The following CYP2C19 variants were observed in gnomAD, a reference collection of about 807,000 sequenced individuals.
CYP2C19 encodes the protein cytochrome P450 2C19.
CYP2C19 carries 59 observed loss-of-function variants against 40.9 expected under a neutral mutation model. The ratio of observed to expected loss-of-function variants is 1.44; its 90% CI spans 1.17 to 1.79. The LOEUF (loss-of-function observed/expected upper bound fraction) is 1.79, where lower values mean the gene tolerates loss of function less well. Among genes scored for constraint, CYP2C19 ranks in the 40% most tolerant of loss-of-function variants. The pLI, the probability that CYP2C19 is intolerant of heterozygous loss-of-function variation, is 0.00. For missense variants in CYP2C19, 754 were observed against 596.9 expected (o/e 1.26, Z -2.74); for synonymous variants, 253 against 208.7 (o/e 1.21, Z -1.83).
chr10:94,850,055 G>C lies in CYP2C19; in HGVS notation c.1288G>C (p.Ala430Pro), dbSNP rs369403039. Residue 430 changes from alanine (A) to proline (P), a missense_variant, in exon 8 of 9, where the codon GCA (alanine) becomes CCA (proline). Ala to Pro is a conservative substitution (Grantham distance 27). Coordinates refer to ENST00000371321, the MANE Select transcript of CYP2C19 (RefSeq NM_000769.4). ...AAGTAACTACTTCATGCCTTTCTCA[G>C]CAGGTAATATAAATTTATTTCCCTT... Reference protein sequence around the residue: ...KKSNYFMPFSAGKRICVGEGL... With the variant: ...KKSNYFMPFSPGKRICVGEGL... The C allele has an allele frequency of 7.4e-6, 12 of 1,613,160 alleles. No individual in the cohort carries two copies. Among genetic ancestry groups the C allele is most frequent in the Non-Finnish European group, 8.5e-7 (1 of 1,179,478 alleles).
intron 5 of CYP2C19, among the ~76,000 whole-genome samples, chr10:94,812,423 CT>C (rs1848940893): frequency 6.6e-6 from 1 of 151,748 alleles, no homozygotes; most frequent in Admixed American, 6.6e-5. Context: ...GTTGGTCTGT[CT>C]TGCTAGATTG....
At position 94,828,079 on chromosome 10, in the gene CYP2C19, T is replaced by G. The variant is rs574070143; in HGVS notation, c.961+7442T>G. ...TACATTTGCTGAGGAGAGCTTTACT[T>G]CCAACTATGTGGTCAATTTTGGAAT... is the stretch of plus-strand genomic sequence containing the variant. On this transcript the variant is annotated intron_variant, in intron 6 of 8. Transcript: ENST00000371321. 1.3e-4 allele frequency among the ~76,000 whole-genome samples: 20 copies of G among 152,192 alleles called. No homozygotes were observed. In the South Asian group the frequency reaches 3.3e-3, roughly 25 times the overall value.
chr10:94,844,466 T>C (rs925777382), intron 7 of CYP2C19, among the ~76,000 whole-genome samples: 3 of 152,210 alleles, frequency 2.0e-5, no homozygotes, highest in Non-Finnish European at 4.4e-5. Flanking sequence ...GCTTTACAAT[T>C]GCCTTCTATC....
chr10:94,795,298 C>T (rs1466342156), intron 5 of CYP2C19, among the ~76,000 whole-genome samples: 1 of 151,792 alleles, frequency 6.6e-6, no homozygotes, highest in South Asian at 2.1e-4. Context: ...ATGATGGTTT[C>T]CAGCTTCATC....
intron 6 of CYP2C19, among the ~76,000 whole-genome samples, chr10:94,831,922 T>C (rs1317063783): frequency 1.3e-5 from 2 of 152,230 alleles, no homozygotes; most frequent in African/African-American, 4.8e-5. Flanking sequence ...ATCCCATTTG[T>C]CCATGTTTGC....
chr10:94,779,340 A>G (rs748330139), intron 3 of CYP2C19, among the ~76,000 whole-genome samples: 9 of 152,122 alleles, frequency 5.9e-5, no homozygotes, highest in Non-Finnish European at 1.0e-4. Context: ...TTTATTTCAG[A>G]GATCCTCCAC....
At chr10:94,850,595 G>C (rs1293619992) in intron 8 of CYP2C19, among the ~76,000 whole-genome samples, 4 of 152,184 alleles carry the variant, frequency 2.6e-5, no homozygotes, top group Non-Finnish European at 5.9e-5. Context: ...TGTGGGTTGG[G>C]AGGTAGATGG....
At chr10:94,840,119 G>A (rs1208056044) in intron 6 of CYP2C19, among the ~76,000 whole-genome samples, 1 of 151,956 alleles carries the variant, frequency 6.6e-6, no homozygotes, top group African/African-American at 2.4e-5. Flanking sequence ...GCCCATCCGC[G>A]GGTTACTGGG....
intron 5 of CYP2C19, among the ~76,000 whole-genome samples, chr10:94,790,589 T>C (rs774044477): frequency 4.6e-5 from 7 of 152,202 alleles, no homozygotes; most frequent in African/African-American, 7.2e-5. Context: ...CTTTTCTACA[T>C]CTATTGAGAT....
intron 6 of CYP2C19, among the ~76,000 whole-genome samples, chr10:94,831,755 A>T (rs1001867142): frequency 6.6e-6 from 1 of 151,896 alleles, no homozygotes; most frequent in Admixed American, 6.6e-5. Flanking sequence ...TGATTATTAG[A>T]TTTTTTTCTA....
At chr10:94,832,805 ATTTGTAATT>A (rs1235370841) in intron 6 of CYP2C19, among the ~76,000 whole-genome samples, 1 of 151,940 alleles carries the variant, frequency 6.6e-6, no homozygotes, top group Non-Finnish European at 1.5e-5. Flanking sequence ...GAAGAATGTC[ATTTGTAATT>A]TGATGGGGAT....
At chr10:94,782,800 T>C (rs1467153911) in intron 5 of CYP2C19, among the ~76,000 whole-genome samples, 1 of 152,090 alleles carries the variant, frequency 6.6e-6, no homozygotes, top group Non-Finnish European at 1.5e-5. Flanking sequence ...TGAATTCATG[T>C]CCTCTGCAGG....
intron 5 of CYP2C19, among the ~76,000 whole-genome samples, chr10:94,791,965 T>C (rs1417014409): frequency 6.6e-6 from 1 of 152,158 alleles, no homozygotes; most frequent in East Asian, 1.9e-4. Context: ...CAGTGGGGTG[T>C]TAAAGCCTCC....
rs114429727 is a variant in CYP2C19 at position 94,835,761 on chromosome 10, T to C, written c.962-7076T>C. Among the ~76,000 whole-genome samples the C allele has an allele frequency of 8.4e-3, 1,275 of 152,280 alleles. 21 individuals carry two copies. Among genetic ancestry groups the C allele is most frequent in the East Asian group, 0.061 (318 of 5,172 alleles). ...GACATGGAAGACTAGGTAAGCATAC[T>C]TAGATCTGTATATATATATTTACCC... is the stretch of plus-strand genomic sequence containing the variant. On this transcript the variant is annotated intron_variant, in intron 6 of 8. Coordinates refer to ENST00000371321, the MANE Select transcript of CYP2C19 (RefSeq NM_000769.4).
chr10:94,769,350 C>A (rs1039894465), intron 1 of CYP2C19, among the ~76,000 whole-genome samples: 3 of 152,138 alleles, frequency 2.0e-5, no homozygotes, highest in African/African-American at 4.8e-5. Flanking sequence ...ATCCCTAAAC[C>A]CTTGGGGCAA....
intron 5 of CYP2C19, among the ~76,000 whole-genome samples, chr10:94,797,469 C>T (rs113053099): frequency 4.6e-5 from 7 of 151,798 alleles, no homozygotes; most frequent in Non-Finnish European, 8.8e-5. Context: ...GTGTGTCTCT[C>T]CTGGGCTTTG....
At chr10:94,796,637 T>C (rs1442829090) in intron 5 of CYP2C19, among the ~76,000 whole-genome samples, 2 of 152,146 alleles carry the variant, frequency 1.3e-5, no homozygotes, top group Non-Finnish European at 2.9e-5. Flanking sequence ...GCATGGAATG[T>C]TCTTCCATTA....
intron 5 of CYP2C19, among the ~76,000 whole-genome samples, chr10:94,794,626 G>T (rs1848657080): frequency 1.3e-5 from 2 of 152,070 alleles, no homozygotes; most frequent in African/African-American, 4.8e-5. Context: ...CACATCTCTT[G>T]TATGTTGGAT....
At chr10:94,820,428 T>A (rs1849096934) in intron 5 of CYP2C19, 68 bp from the exon 6 acceptor site, 1 of 1,570,330 alleles carries the variant, frequency 6.4e-7, no homozygotes, top group African/African-American at 1.4e-5. Flanking sequence ...TGTGAGTAAT[T>A]TTGAATTTAC....
Sources: gnomAD v4.1 joint callset for allele counts (sites outside exome capture counted in the v4.1 genomes callset) on GRCh38, gnomAD v4.1.1 for gene constraint, MANE v1.5 for transcripts, NCBI Gene and HGNC (gene_info 2026-07-23, HGNC 2026-07-21) for gene names.